Variants in RNF213 observed in about 807,000 individuals in gnomAD.
RNF213 encodes ring finger protein 213.
In RNF213, 341 loss-of-function variants were observed where a neutral mutation model predicts 514.4. That is an observed-to-expected ratio of 0.66 (90% CI 0.61 to 0.73). RNF213 has a LOEUF of 0.73. RNF213 is among the 30% of genes least tolerant of loss of function. RNF213 has a pLI of 0.00. For missense variants in RNF213, 5,767 were observed against 6,615.6 expected, an observed-to-expected ratio of 0.87 and a Z score of 4.45; for synonymous variants, 2,655 against 2,658.2, an observed-to-expected ratio of 1.00 and a Z score of 0.04.
At chr17:80,375,738 C>T in intron 50 of RNF213, 22 bp from the exon 51 acceptor site, 1 of 1,517,272 alleles carries the variant, frequency 6.6e-7, no homozygotes, top group Non-Finnish European at 9.2e-7. Flanking sequence ...TAAATTCTTA[C>T]TTGATACCCT....
In RNF213 at chr17:80,380,827, C is replaced by G. The variant is rs371887862; in HGVS notation, c.13641-4C>G. 18 of 1,614,114 alleles carry G rather than the reference C, an allele frequency of 1.1e-5. No homozygotes were observed. The highest frequency in any genetic ancestry group is 1.4e-5 in the Non-Finnish European group (17 of 1,180,066). On this transcript the variant is annotated splice_region_variant and splice_polypyrimidine_tract_variant and intron_variant, in intron 55 of 67. Transcript: ENST00000582970. Reference sequence around the variant, plus strand: ...TCTGTCTTGTGTTCTCTCGTTCTTTCCAGAGACAAGGCAGACAGAACGCAG... The same window carrying G: ...TCTGTCTTGTGTTCTCTCGTTCTTTGCAGAGACAAGGCAGACAGAACGCAG...
chr17:80,314,205 G>A (rs1289202256), intron 15 of RNF213, among the ~76,000 whole-genome samples: 1 of 124,812 alleles, frequency 8.0e-6, no homozygotes, highest in Non-Finnish European at 1.7e-5. Flanking sequence ...GATGGTGGAG[G>A]TAATGGAGGT....
At chr17:80,381,351 T>C in intron 56 of RNF213, 196 bp from the exon 57 acceptor site, 2 of 663,238 alleles carry the variant, frequency 3.0e-6, no homozygotes. Flanking sequence ...ATTCTTTATC[T>C]CACTGTAACA....
chr17:80,382,288 A>T (rs1445621483), intron 57 of RNF213: 1 of 157,524 alleles, frequency 6.3e-6, no homozygotes, highest in Non-Finnish European at 1.4e-5. Context: ...ACAACTTAGT[A>T]AAATGGTTAT....
chr17:80,388,404 T>C (rs2080325962), intron 63 of RNF213: 1 of 588,270 alleles, frequency 1.7e-6, no homozygotes, highest in South Asian at 1.9e-5. Context: ...GTCATGTAAT[T>C]GGCTGTGAGG....
rs182733073 is a variant in RNF213, at chr17:80,364,508, C to T, written c.11826C>T (p.Pro3942=). Residue 3942 remains proline, a synonymous_variant, in exon 42 of 68, where the codon CCC becomes CCT. Coordinates refer to ENST00000582970, the MANE Select transcript of RNF213 (RefSeq NM_001256071.3). ...TCCTAGGAACCGAGAGCCGCGTCCC[C>T]GAGTTACAGGGGCTGGTGACCGAGC... The part of the protein sequence containing the change: ...HVLLGTESRV[P]ELQGLVTEHV... The T allele has an allele frequency of 9.9e-5, 159 of 1,614,142 alleles. No individual in the cohort carries two copies. The South Asian group carries it at 1.5e-3, about 15-fold the overall frequency.
In RNF213 at chr17:80,263,690, T is replaced by C; in HGVS notation, c.9T>C (p.Cys3=). The change falls in exon 2 of 68, where the codon TGT becomes TGC. Residue 3 remains cysteine (C), a synonymous_variant. Coordinates refer to ENST00000582970, the MANE Select transcript of RNF213 (RefSeq NM_001256071.3). The surrounding 1 kb of genome is among the most constrained non-coding windows in gnomAD (Gnocchi z 4.9). ME[C]PSCQHVSKEE... ...CAGTCCCAGCAGGACCCATGGAGTG[T>C]CCTTCGTGCCAGCATGTCTCCAAGG... 6.2e-7 allele frequency: 1 copy of C among 1,614,070 alleles called. No homozygotes were observed. Among genetic ancestry groups the C allele is most frequent in the African/African-American group, 1.3e-5 (1 of 75,044 alleles).
chr17:80,326,099 C>T (rs770168815), intron 18 of RNF213, among the ~76,000 whole-genome samples: 4 of 152,122 alleles, frequency 2.6e-5, no homozygotes, highest in Non-Finnish European at 4.4e-5. Context: ...GCTGGGATTA[C>T]AGATGTGAGC....
At chr17:80,360,621 C>T (rs76908024) in intron 38 of RNF213, among the ~76,000 whole-genome samples, 1,728 of 152,270 alleles carry the variant, frequency 0.011, 29 homozygotes, top group African/African-American at 0.033. Flanking sequence ...GGCACGAGCG[C>T]CTGGAGCATC....
At position 80,290,854 on chromosome 17, in the gene RNF213, G is replaced by C. The variant is rs1413427064; in HGVS notation, c.1271+126G>C. ...AGACGGAGTCTTGCTGTGTCACCCA[G>C]GCTGGAGTGTGGTGGCACCATCTCA... On this transcript the variant is annotated intron_variant, in intron 7 of 67. Transcript: ENST00000582970. The C allele has an allele frequency of 7.2e-6, 8 of 1,116,004 alleles. No individual in the cohort carries two copies. The East Asian group carries it at 1.6e-4, about 22-fold the overall frequency. 69.1% of individuals were successfully genotyped at this position (1,116,004 alleles called of 1,614,324 possible).
intron 32 of RNF213, chr17:80,352,027 G>A: frequency 5.0e-6 from 2 of 401,052 alleles, no homozygotes; most frequent in Non-Finnish European, 9.3e-6. Context: ...GCTAATTTTT[G>A]TATGTTTAGT....
At chr17:80,356,561 T>G (rs1202230723) in intron 36 of RNF213, among the ~76,000 whole-genome samples, 1 of 152,202 alleles carries the variant, frequency 6.6e-6, no homozygotes, top group Non-Finnish European at 1.5e-5. Flanking sequence ...TCCTTTGCCC[T>G]CTCGGGATTA....
At position 80,398,217 on chromosome 17, in the gene RNF213, G is replaced by A. The variant is rs2080700039; in HGVS notation, c.*4719G>A. The A allele has an allele frequency of 6.6e-6, 1 of 151,850 alleles. No individual in the cohort carries two copies. Among genetic ancestry groups the A allele is most frequent in the Non-Finnish European group, 1.5e-5 (1 of 68,002 alleles). The allele number at this position is 151,850 out of a possible 1,614,324, so 9.4% of individuals were successfully genotyped here. A position where few individuals can be genotyped will look rare whatever the true frequency, so the allele number is the denominator to read the frequency against. On this transcript the variant is annotated 3_prime_UTR_variant, in exon 68 of 68. Coordinates refer to ENST00000582970, the MANE Select transcript of RNF213 (RefSeq NM_001256071.3). ...TTGGATATCCTGATACTCTGATTTT[G>A]GTTTTGATTTTGGTTTGGTGTAAAC...
rs2044617589 is a variant in RNF213 at position 80,289,648 on chromosome 17, C to T, written c.934-11C>T. 1.2e-6 allele frequency: 2 copies of T among 1,612,894 alleles called. No homozygotes were observed. Among genetic ancestry groups the T allele is most frequent in the Non-Finnish European group, 1.7e-6 (2 of 1,179,792 alleles). On this transcript the variant is annotated splice_polypyrimidine_tract_variant and intron_variant, in intron 5 of 67. Coordinates refer to ENST00000582970, the MANE Select transcript of RNF213 (RefSeq NM_001256071.3). ...CGGCCTTCAAGGTCAGGGTTTGGTT[C>T]CTTGTTCCAGGAAGCTGAGACCAAG...
At chr17:80,376,274 C>G (rs574787371) in intron 51 of RNF213, 27 bp from the exon 52 acceptor site, 2 of 1,613,388 alleles carry the variant, frequency 1.2e-6, no homozygotes, top group Non-Finnish European at 1.7e-6. Flanking sequence ...TTTGATACAT[C>G]TTAATGTTAA....
chr17:80,385,273 A>C (rs1311077955), intron 60 of RNF213, 102 bp downstream of exon 60: 33 of 1,404,924 alleles, frequency 2.3e-5, no homozygotes, highest in Non-Finnish European at 3.1e-5. Context: ...GGAGGCGCTG[A>C]TGGGTGCTCT....
chr17:80,367,648 G>T, intron 42 of RNF213, 100 bp from the exon 43 acceptor site: 2 of 866,458 alleles, frequency 2.3e-6, no homozygotes, highest in South Asian at 1.4e-5. Context: ...CACACACACG[G>T]CGCAGCCTTG....
Position 80,353,054 on chromosome 17 carries a change from C to G in RNF213, c.10418C>G (p.Pro3473Arg), listed in dbSNP as rs1414075627. The change falls in exon 33 of 68, where the codon CCT becomes CGT. Residue 3473 changes from proline (P) to arginine (R), a missense_variant. Physicochemically the swap from Pro to Arg is moderately radical, Grantham distance 103. Coordinates refer to ENST00000582970, the MANE Select transcript of RNF213 (RefSeq NM_001256071.3). This position sits in a 1 kb window ranked among gnomAD's most constrained non-coding sequence, Gnocchi z 5.0. ...CAGCTGTTCGCGCCCGGAGACTTGC[C>G]TGAGCGTGAGTCACGAGGCGGAGCC... ...ISQLFAPGDLPELGLEHRAED... is the reference protein window; with the variant it reads ...ISQLFAPGDLRELGLEHRAED... 1 of 1,612,434 alleles carries G rather than the reference C, an allele frequency of 6.2e-7. No individual in the cohort carries two copies. The highest frequency in any genetic ancestry group is 1.7e-5 in the Admixed American group (1 of 60,032).
intron 2 of RNF213, among the ~76,000 whole-genome samples, chr17:80,269,785 CCT>C (rs1158099020): frequency 6.6e-6 from 1 of 152,194 alleles, no homozygotes; most frequent in African/African-American, 2.4e-5. Context: ...CATGTATCTA[CCT>C]ATCTACCTGT....
Sources: gnomAD v4.1 joint callset for allele counts (sites outside exome capture counted in the v4.1 genomes callset) on GRCh38, gnomAD v4.1.1 for gene constraint, Gnocchi (gnomAD v3.1) non-coding constraint, MANE v1.5 for transcripts, NCBI Gene and HGNC (gene_info 2026-07-23, HGNC 2026-07-21) for gene names.